ST6GAL1: variants seen among roughly 807,000 people sequenced by gnomAD.
ST6GAL1 encodes ST6 beta-galactoside alpha-2,6-sialyltransferase 1.
A neutral mutation model predicts 38.0 loss-of-function variants in ST6GAL1; 20 were observed. The observed-to-expected ratio is 0.53, with a 90% CI of 0.37 to 0.77. The LOEUF is 0.77. Ranked by LOEUF, ST6GAL1 falls within the 30% of genes least tolerant of loss-of-function variation. The pLI is 0.00. For missense variants in ST6GAL1, 432 were observed against 496.4 expected, an observed-to-expected ratio of 0.87 and a Z score of 1.23; for synonymous variants, 196 against 188.2, an observed-to-expected ratio of 1.04 and a Z score of -0.34.
chr3:186,985,841 G>A (rs920019298), intron 2 of ST6GAL1, among the ~76,000 whole-genome samples: 1 of 152,096 alleles, frequency 6.6e-6, no homozygotes, highest in Non-Finnish European at 1.5e-5. Context: ...AGATGTCACT[G>A]GGGGCTGGTC....
intron 2 of ST6GAL1, among the ~76,000 whole-genome samples, chr3:187,031,748 T>C (rs1717760703): frequency 6.6e-6 from 1 of 152,242 alleles, no homozygotes. Context: ...TGGATTATTT[T>C]ACTTGATTCT....
intron 1 of ST6GAL1, among the ~76,000 whole-genome samples, chr3:186,937,469 A>G (rs1714003094): frequency 6.6e-6 from 1 of 152,180 alleles, no homozygotes. Flanking sequence ...TCAAAAACTT[A>G]ACTTTAATAC....
intron 2 of ST6GAL1, among the ~76,000 whole-genome samples, chr3:186,993,557 TTTA>T (rs1467859869): frequency 4.7e-3 from 31 of 6,556 alleles, no homozygotes; most frequent in African/African-American, 8.3e-3. Flanking sequence ...TTGACAGAGT[TTTA>T]TTTATTTATT....
At chr3:187,040,441 C>T (rs1177688554) in intron 3 of ST6GAL1, among the ~76,000 whole-genome samples, 3 of 152,226 alleles carry the variant, frequency 2.0e-5, no homozygotes, top group Admixed American at 2.0e-4. Context: ...AGATGATGAA[C>T]TTTTAGAGTC....
intron 1 of ST6GAL1, chr3:186,942,466 G>A (rs918485850): frequency 2.6e-5 from 4 of 152,146 alleles, no homozygotes; most frequent in East Asian, 1.9e-4. Flanking sequence ...ATCTGCATCC[G>A]TCTGTTGGTT....
intron 1 of ST6GAL1, among the ~76,000 whole-genome samples, chr3:186,936,422 G>A (rs931122963): frequency 6.6e-6 from 1 of 152,138 alleles, no homozygotes; most frequent in Non-Finnish European, 1.5e-5. Context: ...CTGAATTAGA[G>A]GCAAATGAAT....
chr3:186,984,789 TTCCTTCCTTCCTTCCA>T (rs1458658121), intron 2 of ST6GAL1, among the ~76,000 whole-genome samples: 2 of 25,098 alleles, frequency 8.0e-5, no homozygotes, highest in African/African-American at 2.8e-4. Flanking sequence ...CCTTCCTCCC[TTCCTTCCTTCCTTCCA>T]TCCTTCCTTC....
At chr3:187,014,389 C>A (rs923330402) in intron 2 of ST6GAL1, among the ~76,000 whole-genome samples, 1 of 152,182 alleles carries the variant, frequency 6.6e-6, no homozygotes, top group Non-Finnish European at 1.5e-5. Flanking sequence ...TCTGGGCCCA[C>A]CGTTTTGAGC....
rs1265929197 is a variant in ST6GAL1, at chr3:187,062,118, AGACTCAACTCTTTTTTGCTAGG to A, written c.706-10728_706-10707del. On this transcript the variant is annotated intron_variant, in intron 5 of 7. Coordinates refer to ENST00000169298, the MANE Select transcript of ST6GAL1 (RefSeq NM_173216.2). ...AAATGGTTAGTAAGCACATGAAAAG[AGACTCAACTCTTTTTTGCTAGG>A]GAAATGCAACCCAAGAATACAACAC... is the stretch of plus-strand genomic sequence containing the variant. 2.6e-5 allele frequency among the ~76,000 whole-genome samples: 4 copies of A among 152,218 alleles called. No homozygotes were observed. The East Asian group carries it at 7.7e-4, about 29-fold the overall frequency.
At chr3:187,007,222 G>GTT (rs564091888) in intron 2 of ST6GAL1, among the ~76,000 whole-genome samples, 1 of 152,190 alleles carries the variant, frequency 6.6e-6, no homozygotes, top group South Asian at 2.1e-4. Context: ...AGGAAGCAGG[G>GTT]GGGAAAAGCC....
At chr3:187,074,399 G>A in intron 7 of ST6GAL1, 66 bp downstream of exon 7, 1 of 1,444,960 alleles carries the variant, frequency 6.9e-7, no homozygotes, top group Non-Finnish European at 9.2e-7. Flanking sequence ...TTTTTTCTGG[G>A]GTCTCATTCA....
chr3:186,947,981 C>G (rs576969209), intron 1 of ST6GAL1, among the ~76,000 whole-genome samples: 2 of 152,222 alleles, frequency 1.3e-5, no homozygotes, highest in Admixed American at 6.5e-5. Flanking sequence ...CAAGAAACTG[C>G]TTCCCTGACT....
intron 2 of ST6GAL1, among the ~76,000 whole-genome samples, chr3:186,984,284 A>G (rs950478278): frequency 6.6e-6 from 1 of 152,094 alleles, no homozygotes; most frequent in Non-Finnish European, 1.5e-5. Flanking sequence ...CCTTACTACT[A>G]TCCCTGCCCC....
At chr3:186,969,332 C>T (rs186141836) in intron 2 of ST6GAL1, among the ~76,000 whole-genome samples, 12 of 152,134 alleles carry the variant, frequency 7.9e-5, no homozygotes, top group East Asian at 3.9e-4. Flanking sequence ...GGATTACAGG[C>T]GTGAGCCACA....
At chr3:187,068,034 G>C (rs1719228933) in intron 5 of ST6GAL1, among the ~76,000 whole-genome samples, 1 of 152,168 alleles carries the variant, frequency 6.6e-6, no homozygotes, top group African/African-American at 2.4e-5. Context: ...AGGCATTATA[G>C]CACATAGGTT....
At chr3:187,013,944 C>G (rs1262479100) in intron 2 of ST6GAL1, among the ~76,000 whole-genome samples, 1 of 152,202 alleles carries the variant, frequency 6.6e-6, no homozygotes, top group African/African-American at 2.4e-5. Context: ...AAGATAAATA[C>G]TGATTCATGA....
intron 2 of ST6GAL1, among the ~76,000 whole-genome samples, chr3:186,973,011 G>A (rs1715401302): frequency 6.6e-6 from 1 of 152,042 alleles, no homozygotes; most frequent in South Asian, 2.1e-4. Context: ...ATCACCGCTG[G>A]GAAGATACCC....
At chr3:187,018,589 A>G (rs571879210) in intron 2 of ST6GAL1, among the ~76,000 whole-genome samples, 1 of 152,272 alleles carries the variant, frequency 6.6e-6, no homozygotes, top group African/African-American at 2.4e-5. Flanking sequence ...AGTCTAGTCT[A>G]TTCACATTCT....
At chr3:187,074,465 T>A in intron 7 of ST6GAL1, 132 bp downstream of exon 7, 1 of 966,264 alleles carries the variant, frequency 1.0e-6, no homozygotes, top group Non-Finnish European at 1.4e-6. Flanking sequence ...GCTCTGCTTG[T>A]AGACCATGCC....
Sources: allele counts gnomAD v4.1 joint callset (sites outside exome capture counted in the v4.1 genomes callset), GRCh38; gene constraint gnomAD v4.1.1; transcripts MANE v1.5; gene names NCBI Gene and HGNC (gene_info 2026-07-23, HGNC 2026-07-21).